Variants in PRR16 observed in about 807,000 individuals in gnomAD.
The protein encoded by PRR16 is protein Largen.
PRR16 carries 6 observed loss-of-function variants against 18.2 expected under a neutral mutation model. The ratio of observed to expected loss-of-function variants is 0.33; its 90% CI spans 0.18 to 0.65. PRR16 has a LOEUF of 0.65. Among genes scored for constraint, PRR16 ranks in the 30% least tolerant of loss-of-function variants. The pLI, the probability that PRR16 is intolerant of heterozygous loss-of-function variation, is 0.74. For synonymous variants in PRR16, 151 were observed against 147.8 expected (o/e 1.02, Z -0.16); for missense variants, 412 against 376.6 (o/e 1.09, Z -0.78).
chr5:120,790,125 A>C, the PRR16 span: 2 of 152,164 alleles, frequency 1.3e-5, no homozygotes, highest in African/African-American at 4.8e-5. Context: ...TCGCTGATAG[A>C]GTCTGCATAA....
the PRR16 span, among the ~76,000 whole-genome samples, chr5:120,725,220 T>A: frequency 1.3e-5 from 2 of 151,744 alleles, no homozygotes; most frequent in African/African-American, 4.8e-5. Context: ...AAGAGTTATA[T>A]CATGACAAGA....
chr5:120,481,341 G>T (rs1238646370), intron 1 of PRR16: 3 of 397,788 alleles, frequency 7.5e-6, no homozygotes, highest in East Asian at 1.7e-4. Context: ...GTGTTGCCCA[G>T]TCTGGTCTTG....
chr5:120,625,989 C>A (rs1437126170), intron 1 of PRR16, among the ~76,000 whole-genome samples: 2 of 152,062 alleles, frequency 1.3e-5, no homozygotes, highest in Admixed American at 6.6e-5. Context: ...CCCAAAGAAT[C>A]CCACTCCAGA....
chr5:120,791,608 TATCTATCTATCTATCCATCCATCTATC>T, the PRR16 span, among the ~76,000 whole-genome samples: 2 of 80,094 alleles, frequency 2.5e-5, no homozygotes, highest in Non-Finnish European at 6.2e-5. Context: ...TCTATCTATC[TATCTATCTATCTATCCATCCATCTATC>T]ATCTATCTAT....
chr5:120,766,332 A>G, the PRR16 span, among the ~76,000 whole-genome samples: 85 of 151,744 alleles, frequency 5.6e-4, no homozygotes, highest in African/African-American at 2.0e-3. Flanking sequence ...TTTAATTTTC[A>G]TTTTTCTTTT....
the PRR16 span, among the ~76,000 whole-genome samples, chr5:120,747,885 C>T: frequency 0.011 from 1,623 of 152,094 alleles, 33 homozygotes; most frequent in African/African-American, 0.037. Flanking sequence ...AACAATTATG[C>T]GTACTCTTAG....
chr5:120,770,725 G>C, the PRR16 span, among the ~76,000 whole-genome samples: 13 of 152,088 alleles, frequency 8.5e-5, no homozygotes, highest in African/African-American at 1.7e-4. Context: ...AACTCAAGTA[G>C]ACAAATAACC....
At chr5:120,633,275 A>G (rs575400297) in intron 1 of PRR16, among the ~76,000 whole-genome samples, 1 of 152,326 alleles carries the variant, frequency 6.6e-6, no homozygotes, top group East Asian at 1.9e-4. Context: ...CTTAAAGCAT[A>G]AATCTCACAG....
intron 1 of PRR16, among the ~76,000 whole-genome samples, chr5:120,637,209 A>G (rs190969198): frequency 4.0e-5 from 6 of 150,640 alleles, no homozygotes; most frequent in Non-Finnish European, 7.4e-5. Context: ...TATAACAACT[A>G]TGGAAAAACA....
At chr5:120,611,545 C>CAATGT (rs1262695393) in intron 1 of PRR16, among the ~76,000 whole-genome samples, 4 of 152,170 alleles carry the variant, frequency 2.6e-5, no homozygotes, top group Non-Finnish European at 5.9e-5. Flanking sequence ...TGAAAGGGGC[C>CAATGT]AATGTAAAGC....
At chr5:120,499,209 C>T (rs1750363804) in intron 1 of PRR16, among the ~76,000 whole-genome samples, 1 of 151,596 alleles carries the variant, frequency 6.6e-6, no homozygotes, top group African/African-American at 2.4e-5. Context: ...TACCGGGTTC[C>T]AGCGACTCTC....
At chr5:120,792,239 A>G in the PRR16 span, among the ~76,000 whole-genome samples, 1 of 152,186 alleles carries the variant, frequency 6.6e-6, no homozygotes, top group Non-Finnish European at 1.5e-5. Flanking sequence ...AAGACTGCAA[A>G]TATGTGAAAT....
chr5:120,480,374 A>G (rs918748425), intron 1 of PRR16, among the ~76,000 whole-genome samples: 10 of 152,226 alleles, frequency 6.6e-5, no homozygotes, highest in Non-Finnish European at 1.5e-4. Context: ...AGGTAACCTA[A>G]GATTTACTTT....
intron 1 of PRR16, among the ~76,000 whole-genome samples, chr5:120,642,757 A>ATC (rs1755464828): frequency 6.6e-6 from 1 of 152,130 alleles, no homozygotes; most frequent in Admixed American, 6.6e-5. Flanking sequence ...AGTGAGCATC[A>ATC]TCTGTTCCAT....
intron 1 of PRR16, among the ~76,000 whole-genome samples, chr5:120,588,386 G>C (rs1044836376): frequency 6.6e-6 from 1 of 152,036 alleles, no homozygotes; most frequent in Admixed American, 6.6e-5. Flanking sequence ...GTCCATTCAC[G>C]TGGCAAATTT....
At chr5:120,598,826 C>G (rs1753894559) in intron 1 of PRR16, among the ~76,000 whole-genome samples, 1 of 151,782 alleles carries the variant, frequency 6.6e-6, no homozygotes, top group South Asian at 2.1e-4. Context: ...ATCCAATACC[C>G]AGCAGTCTTC....
the PRR16 span, among the ~76,000 whole-genome samples, chr5:120,756,312 T>C: frequency 6.6e-6 from 1 of 152,080 alleles, no homozygotes; most frequent in Non-Finnish European, 1.5e-5. Context: ...AATTTTCCTT[T>C]TGATTTAGTT....
chr5:120,544,106 C>A (rs1752000472), intron 1 of PRR16, among the ~76,000 whole-genome samples: 3 of 152,092 alleles, frequency 2.0e-5, no homozygotes, highest in Non-Finnish European at 4.4e-5. Context: ...GTGACAAATA[C>A]AAATGCTTGA....
chr5:120,619,702 T>C (rs1754624761), intron 1 of PRR16, among the ~76,000 whole-genome samples: 1 of 152,132 alleles, frequency 6.6e-6, no homozygotes, highest in Non-Finnish European at 1.5e-5. Flanking sequence ...AAAGCAGTTG[T>C]TTGATATCTT....
Sources: gnomAD v4.1 joint callset for allele counts (sites outside exome capture counted in the v4.1 genomes callset) on GRCh38, gnomAD v4.1.1 for gene constraint, MANE v1.5 for transcripts, NCBI Gene and HGNC (gene_info 2026-07-23, HGNC 2026-07-21) for gene names.